RNF144A: variants seen among roughly 807,000 people sequenced by gnomAD.
RNF144A encodes ring finger protein 144A, also known as E3 ubiquitin-protein ligase RNF144A.
In RNF144A, 11 loss-of-function variants were observed where a neutral mutation model predicts 38.7. That is an observed-to-expected ratio of 0.28 (90% CI 0.18 to 0.47). The LOEUF is 0.47. Ranked by LOEUF, RNF144A falls within the 20% of genes least tolerant of loss-of-function variation. The probability of loss-of-function intolerance (pLI) is 0.99; values close to 1 mark genes in which losing one functional copy is unlikely to be tolerated. For missense variants in RNF144A, 316 were observed against 377.2 expected, an observed-to-expected ratio of 0.84 and a Z score of 1.34; for synonymous variants, 149 against 143.9, an observed-to-expected ratio of 1.04 and a Z score of -0.25.
intron 1 of RNF144A, among the ~76,000 whole-genome samples, chr2:6,928,915 C>T (rs1191393520): frequency 6.6e-6 from 1 of 152,142 alleles, no homozygotes; most frequent in Admixed American, 6.5e-5. Flanking sequence ...GGGGGTTCTG[C>T]GTGGCCCCTT....
chr2:7,067,864 C>T (rs10175785), intron 6 of RNF144A, among the ~76,000 whole-genome samples: 43,939 of 151,986 alleles, frequency 0.29, 6,859 homozygotes, highest in East Asian at 0.49. Context: ...TGATATCTGA[C>T]TCAGTATTTT....
At chr2:6,919,580 G>C (rs1316003699) in intron 1 of RNF144A, among the ~76,000 whole-genome samples, 1 of 145,614 alleles carries the variant, frequency 6.9e-6, no homozygotes, top group Non-Finnish European at 1.5e-5. Context: ...GATTTCCGCG[G>C]TGTTGCGTGG....
At position 6,958,193 on chromosome 2, in the gene RNF144A, C is replaced by T. The variant is rs1033833443; in HGVS notation, c.-12+17046C>T. Among the ~76,000 whole-genome samples the T allele has an allele frequency of 1.3e-5, 2 of 152,230 alleles. No homozygotes were observed. Among genetic ancestry groups the T allele is most frequent in the African/African-American group, 4.8e-5 (2 of 41,462 alleles). The stretch of plus-strand genomic sequence containing the variant: ...TTCCTGGAAGGTGGAACTTGATCAC[C>T]ACTCTGCCTGGCCTCAGCAGTCCCT... On this transcript the variant is annotated intron_variant, in intron 2 of 8. Transcript: ENST00000320892. This position sits in a 1 kb window ranked among gnomAD's most constrained non-coding sequence, Gnocchi z 4.5.
Position 7,042,503 on chromosome 2 carries a change from G to A in RNF144A, c.*2743G>A. 1.0e-6 allele frequency: 1 copy of A among 985,520 alleles called. No individual in the cohort carries two copies. The allele number at this position is 985,520 out of a possible 1,614,324, so 61.0% of individuals were successfully genotyped here. A position where few individuals can be genotyped will look rare whatever the true frequency, so the allele number is the denominator to read the frequency against. On this transcript the variant is annotated 3_prime_UTR_variant, in exon 9 of 9. Coordinates refer to ENST00000320892, the MANE Select transcript of RNF144A (RefSeq NM_014746.6). ...GGGGCGAAGGCCCTTAGACAACCAT[G>A]GCTGCTGTACTGCCGCCCAGGGTGG...
chr2:7,045,371 A>C (rs1273401398), downstream of RNF144A, among the ~76,000 whole-genome samples: 1 of 152,084 alleles, frequency 6.6e-6, no homozygotes, highest in Non-Finnish European at 1.5e-5. Flanking sequence ...GAGGTTGGAA[A>C]CTGAAGGTTC....
At chr2:6,954,026 A>C (rs951229672) in intron 2 of RNF144A, among the ~76,000 whole-genome samples, 1 of 151,832 alleles carries the variant, frequency 6.6e-6, no homozygotes, top group Non-Finnish European at 1.5e-5. Flanking sequence ...TGTTTTGTCG[A>C]TAGCTTTCTT....
chr2:7,039,821 C>G lies in RNF144A; in HGVS notation c.*61C>G. The G allele has an allele frequency of 6.3e-7, 1 of 1,585,428 alleles. No individual in the cohort carries two copies. The highest frequency in any genetic ancestry group is 1.1e-5 in the South Asian group (1 of 87,810). On this transcript the variant is annotated 3_prime_UTR_variant, in exon 9 of 9. Transcript: ENST00000320892. ...GGAAGTGTGGCTCTCCCCCAACCCT[C>G]CCCACCGTCCCCCCTTCACTAAACA...
intron 2 of RNF144A, among the ~76,000 whole-genome samples, chr2:6,948,815 A>G (rs1288816582): frequency 6.6e-6 from 1 of 152,180 alleles, no homozygotes; most frequent in Non-Finnish European, 1.5e-5. Context: ...GAGCCATTTT[A>G]AGGGCTATCA....
intron 6 of RNF144A, among the ~76,000 whole-genome samples, chr2:7,023,986 C>T (rs1223929686): frequency 1.3e-5 from 2 of 152,202 alleles, no homozygotes; most frequent in Non-Finnish European, 2.9e-5. Context: ...TTTATATCAA[C>T]CCTTTGGAAA....
chr2:6,924,354 C>A (rs1457102892), intron 1 of RNF144A, among the ~76,000 whole-genome samples: 2 of 152,242 alleles, frequency 1.3e-5, no homozygotes, highest in South Asian at 4.1e-4. Context: ...TGGCCTTTGC[C>A]TGCGATGTGA....
intron 6 of RNF144A, among the ~76,000 whole-genome samples, chr2:7,058,521 A>T (rs577384310): frequency 6.6e-6 from 1 of 152,272 alleles, no homozygotes; most frequent in African/African-American, 2.4e-5. Context: ...TAGTCCTTAT[A>T]TTCTAAGGCA....
chr2:7,002,523 C>A (rs1013966480), intron 3 of RNF144A, among the ~76,000 whole-genome samples: 2 of 152,060 alleles, frequency 1.3e-5, no homozygotes, highest in Non-Finnish European at 2.9e-5. Flanking sequence ...CATGGTGGGA[C>A]CAGCGAAGGA....
chr2:6,997,124 T>C, intron 3 of RNF144A, 63 bp downstream of exon 3: 1 of 1,550,424 alleles, frequency 6.4e-7, no homozygotes. Flanking sequence ...TGCTTTCATT[T>C]GCAGAGACAC....
At chr2:6,990,084 T>C (rs1008183637) in intron 2 of RNF144A, among the ~76,000 whole-genome samples, 32 of 152,202 alleles carry the variant, frequency 2.1e-4, no homozygotes, top group Middle Eastern at 6.8e-3. Flanking sequence ...TGGTAGTCAG[T>C]TGGGGCTGCT....
intron 2 of RNF144A, among the ~76,000 whole-genome samples, chr2:6,959,631 G>T (rs759534466): frequency 6.6e-5 from 10 of 152,178 alleles, no homozygotes; most frequent in Admixed American, 2.0e-4. Context: ...AGGGGCACAC[G>T]AAAGAAAACC....
At chr2:7,035,076 A>G (rs1407963312) in intron 8 of RNF144A, among the ~76,000 whole-genome samples, 1 of 152,242 alleles carries the variant, frequency 6.6e-6, no homozygotes, top group Non-Finnish European at 1.5e-5. Context: ...TCATCTCTGC[A>G]AAGCAGAATC....
Position 7,049,843 on chromosome 2 carries a change from C to T in RNF144A, c.735-18373C>T, listed in dbSNP as rs114886220. On this transcript the variant is annotated intron_variant, in intron 6 of 6. Coordinates refer to the RNF144A transcript ENST00000432850. ...TTGCAAATACAAGCAAATGCACCTG[C>T]AAAAAATGTGTACTGTGGGAAGCTC... 1.1e-3 allele frequency among the ~76,000 whole-genome samples: 169 copies of T among 152,124 alleles called. 1 individual carries two copies. The highest frequency in any genetic ancestry group is 3.9e-3 in the African/African-American group (160 of 41,496).
intron 1 of RNF144A, among the ~76,000 whole-genome samples, chr2:6,921,280 G>A (rs1157870297): frequency 6.6e-6 from 1 of 152,188 alleles, no homozygotes; most frequent in Non-Finnish European, 1.5e-5. Flanking sequence ...TTTCTCTAAG[G>A]AGCAGGCTTA....
At chr2:7,068,195 G>A in intron 6 of RNF144A, 1 of 1,230,480 alleles carries the variant, frequency 8.1e-7, no homozygotes. Flanking sequence ...AAGTATCAGT[G>A]AGTAAGGTTT....
Sources: gnomAD v4.1 joint callset for allele counts (sites outside exome capture counted in the v4.1 genomes callset) on GRCh38, gnomAD v4.1.1 for gene constraint, Gnocchi (gnomAD v3.1) non-coding constraint, MANE v1.5 for transcripts, NCBI Gene and HGNC (gene_info 2026-07-23, HGNC 2026-07-21) for gene names.